DNASE1: variants seen among roughly 807,000 people sequenced by gnomAD.
DNASE1 encodes deoxyribonuclease 1, also known as deoxyribonuclease-1.
A neutral mutation model predicts 33.9 loss-of-function variants in DNASE1; 40 were observed. The ratio of observed to expected loss-of-function variants is 1.18; its 90% CI spans 0.92 to 1.54. DNASE1 has a LOEUF of 1.54. Ranked by LOEUF, DNASE1 falls within the 40% of genes most tolerant of loss-of-function variation. The probability of loss-of-function intolerance (pLI) is 0.00; values close to 1 mark genes in which losing one functional copy is unlikely to be tolerated. For synonymous variants in DNASE1, 216 were observed against 160.0 expected, an observed-to-expected ratio of 1.35 and a Z score of -2.64; for missense variants, 518 against 372.6, an observed-to-expected ratio of 1.39 and a Z score of -3.21.
intron 1 of DNASE1, among the ~76,000 whole-genome samples, chr16:3,631,277 T>G (rs2041690482): frequency 6.6e-6 from 1 of 151,432 alleles, no homozygotes; most frequent in Admixed American, 6.6e-5. Context: ...CTTGACTCAC[T>G]GCAACCAACC....
At chr16:3,650,612 A>AG (rs2042303453), upstream of DNASE1, 1 of 147,446 alleles carries the variant, frequency 6.8e-6, no homozygotes, top group Non-Finnish European at 1.5e-5. Context: ...TCAAAAAAAA[A>AG]AAAAAAAAGA....
rs539747366 is a variant in DNASE1, at chr16:3,631,788, G to A, written c.-1358-8927G>A. 3.7e-4 allele frequency among the ~76,000 whole-genome samples: 56 copies of A among 152,308 alleles called. 1 individual carries two copies. Among genetic ancestry groups the A allele is most frequent in the African/African-American group, 1.3e-3 (52 of 41,560 alleles). On this transcript the variant is annotated intron_variant and NMD_transcript_variant, in intron 1 of 11. Transcript: ENST00000570769. ...TCCACCCACCTCGGCCTCCCAAAGT[G>A]CTGAGATTACAGGCATGAGCCACTG...
rs149997621 is a variant in DNASE1, at chr16:3,663,812, G to A, written c.*5859G>A. 35 of 506,666 alleles carry A rather than the reference G, an allele frequency of 6.9e-5. No individual in the cohort carries two copies. The East Asian group carries it at 1.0e-3, about 15-fold the overall frequency. The allele number at this position is 506,666 out of a possible 1,614,324, so 31.4% of individuals were successfully genotyped here. On this transcript the variant is annotated 3_prime_UTR_variant, in exon 10 of 10. Transcript: ENST00000407479. ...CATGTGGCTGAGTGCAGTGGCTCAC[G>A]CCTGTAATCCCAGCACTTTGGGAGG...
At chr16:3,635,478 AAAG>A (rs1567194994) in intron 1 of DNASE1, among the ~76,000 whole-genome samples, 1 of 150,178 alleles carries the variant, frequency 6.7e-6, no homozygotes, top group Non-Finnish European at 1.5e-5. Context: ...AAAAAAAAAA[AAAG>A]TAAGAAAAGT....
chr16:3,628,109 ATTTC>A (rs1171178095), intron 1 of DNASE1, among the ~76,000 whole-genome samples: 1 of 152,040 alleles, frequency 6.6e-6, no homozygotes, highest in Non-Finnish European at 1.5e-5. Context: ...ATCTTCATTA[ATTTC>A]TTTCAGCGAT....
intron 1 of DNASE1, among the ~76,000 whole-genome samples, chr16:3,647,076 G>T (rs1268094072): frequency 6.6e-6 from 1 of 152,142 alleles, no homozygotes; most frequent in Non-Finnish European, 1.5e-5. Context: ...GACAGCAGGG[G>T]AGTGTTTCCT....
chr16:3,621,044 C>T (rs1333203365), intron 1 of DNASE1, among the ~76,000 whole-genome samples: 2 of 152,082 alleles, frequency 1.3e-5, no homozygotes, highest in Non-Finnish European at 2.9e-5. Flanking sequence ...GTGATCCACC[C>T]GCCTCAGCCT....
At chr16:3,633,569 T>C (rs1352411333) in intron 1 of DNASE1, among the ~76,000 whole-genome samples, 1 of 151,380 alleles carries the variant, frequency 6.6e-6, no homozygotes, top group Admixed American at 6.6e-5. Flanking sequence ...GATGGCGCCA[T>C]TGCACTCTAG....
intron 1 of DNASE1, among the ~76,000 whole-genome samples, chr16:3,644,744 A>T (rs1178097751): frequency 1.3e-5 from 2 of 149,472 alleles, no homozygotes; most frequent in African/African-American, 4.9e-5. Context: ...CAAAAAAAAA[A>T]AAAGAAATAA....
rs775141873 is a variant in DNASE1, at chr16:3,664,432, C to T, written c.*6479C>T. ...TGCCCGGAGGGCAGCGCCGAGGACT[C>T]GTAGCGCAGCAGCTTTGCTATGTCC... On this transcript the variant is annotated 3_prime_UTR_variant, in exon 10 of 10. Transcript: ENST00000407479. 188 of 1,611,984 alleles carry T rather than the reference C, an allele frequency of 1.2e-4. No individual in the cohort carries two copies. The highest frequency in any genetic ancestry group is 1.4e-4 in the Non-Finnish European group (163 of 1,179,364).
chr16:3,614,959 C>T lies in DNASE1; in HGVS notation c.-1359+2953C>T, dbSNP rs188570481. Among the ~76,000 whole-genome samples, 24 of 152,210 alleles carry T rather than the reference C, an allele frequency of 1.6e-4. No individual in the cohort carries two copies. In the East Asian group the frequency reaches 4.4e-3, roughly 28 times the overall value. On this transcript the variant is annotated intron_variant and NMD_transcript_variant, in intron 1 of 11. Coordinates refer to the DNASE1 transcript ENST00000570769. ...GTCTTTGCTACCTCTCTCCCCCAAC[C>T]CCAAATCTGGCTATATTATTTATTT...
chr16:3,649,968 A>C (rs996229411), upstream of DNASE1, among the ~76,000 whole-genome samples: 1 of 152,148 alleles, frequency 6.6e-6, no homozygotes, highest in Non-Finnish European at 1.5e-5. Context: ...TGTGGGAGCT[A>C]AGGTGGTCTT....
chr16:3,657,216 G>T lies in DNASE1; in HGVS notation c.579G>T (p.Ala193=). Reference sequence around the variant, plus strand: ...TCATGTTGATGGGCGACTTCAATGCGGGCTGCAGCTATGTGAGACCCTCCC... The same window carrying T: ...TCATGTTGATGGGCGACTTCAATGCTGGCTGCAGCTATGTGAGACCCTCCC... ...EDVMLMGDFN[A]GCSYVRPSQW... is the part of the protein sequence containing the mutation. The change falls in exon 7 of 9, where the codon GCG becomes GCT. Residue 193 remains alanine, a synonymous_variant. Transcript: ENST00000246949. The T allele has an allele frequency of 1.2e-6, 2 of 1,614,042 alleles. No homozygotes were observed. Among genetic ancestry groups the T allele is most frequent in the Non-Finnish European group, 1.7e-6 (2 of 1,180,016 alleles).
intron 3 of DNASE1, 45 bp downstream of exon 3, chr16:3,655,982 C>G: frequency 6.2e-7 from 1 of 1,612,732 alleles, no homozygotes; most frequent in Non-Finnish European, 8.5e-7. Context: ...ATCTCGTCCA[C>G]GGCACAGCCT....
chr16:3,617,326 C>CAAAAAAAAAAAAAAAAAAAAAAAAAAA lies in DNASE1; in HGVS notation c.-1359+5321_-1359+5347dup, dbSNP rs56670885. 4.7e-4 allele frequency among the ~76,000 whole-genome samples: 27 copies of CAAAAAAAAAAAAAAAAAAAAAAAAAAA among 57,716 alleles called. 1 individual carries two copies. The highest frequency in any genetic ancestry group is 1.6e-3 in the African/African-American group (21 of 12,918). The allele number at this position is 57,716 out of a possible 152,430, so 37.9% of individuals were successfully genotyped here. A position where few individuals can be genotyped will look rare whatever the true frequency, so the allele number is the denominator to read the frequency against. On this transcript the variant is annotated intron_variant and NMD_transcript_variant, in intron 1 of 11. Coordinates refer to the DNASE1 transcript ENST00000570769. The stretch of plus-strand genomic sequence containing the variant: ...AGTCAACAAGAGCGAAACTCCATCT[C>CAAAAAAAAAAAAAAAAAAAAAAAAAAA]AAAAAAAAAAAAAAAAAAAAAAAAA...
At chr16:3,625,320 A>G (rs1017135568) in intron 1 of DNASE1, among the ~76,000 whole-genome samples, 15 of 150,384 alleles carry the variant, frequency 1.0e-4, no homozygotes, top group Admixed American at 6.6e-5. Context: ...ACAAAAAACA[A>G]TAAAACAAAC....
chr16:3,615,663 CAGA>C (rs1433781520), intron 1 of DNASE1, among the ~76,000 whole-genome samples: 17 of 152,250 alleles, frequency 1.1e-4, no homozygotes, highest in Non-Finnish European at 8.8e-5. Flanking sequence ...AAAATGGATG[CAGA>C]AGTACATGAA....
At chr16:3,646,416 G>C (rs1010420511) in intron 1 of DNASE1, among the ~76,000 whole-genome samples, 10 of 152,096 alleles carry the variant, frequency 6.6e-5, no homozygotes, top group African/African-American at 2.2e-4. Context: ...ATAAACGAGG[G>C]TAAACAGGTG....
intron 1 of DNASE1, among the ~76,000 whole-genome samples, chr16:3,646,424 G>C (rs2042174009): frequency 6.6e-6 from 1 of 152,146 alleles, no homozygotes; most frequent in Non-Finnish European, 1.5e-5. Context: ...GGGTAAACAG[G>C]TGCCTGAGTA....
Sources: gnomAD v4.1 joint callset for allele counts (sites outside exome capture counted in the v4.1 genomes callset) on GRCh38, gnomAD v4.1.1 for gene constraint, MANE v1.5 for transcripts, NCBI Gene and HGNC (gene_info 2026-07-23, HGNC 2026-07-21) for gene names.